Variants in ELF2 observed in about 807,000 individuals in gnomAD.
The protein encoded by ELF2 is E74 like ETS transcription factor 2, also known as ETS-related transcription factor Elf-2.
Under a neutral mutation model 54.8 loss-of-function variants are expected in ELF2, and 11 were observed. That is an observed-to-expected ratio of 0.20 (90% CI 0.13 to 0.33). The LOEUF is 0.33. Ranked by LOEUF, ELF2 falls within the 10% of genes least tolerant of loss-of-function variation. ELF2 has a pLI of 1.00. For synonymous variants in ELF2, 203 were observed against 245.1 expected, an observed-to-expected ratio of 0.83 and a Z score of 1.61; for missense variants, 513 against 703.0, an observed-to-expected ratio of 0.73 and a Z score of 3.06.
At chr4:139,135,657 T>C (rs968284888) in intron 3 of ELF2, among the ~76,000 whole-genome samples, 1 of 151,970 alleles carries the variant, frequency 6.6e-6, no homozygotes, top group Non-Finnish European at 1.5e-5. Context: ...AAGGAAAAAA[T>C]GAATGAAAAT....
At chr4:139,138,895 G>A (rs1180686948) in intron 2 of ELF2, among the ~76,000 whole-genome samples, 1 of 152,106 alleles carries the variant, frequency 6.6e-6, no homozygotes, top group Non-Finnish European at 1.5e-5. Flanking sequence ...ATGGTTTCAA[G>A]TAATTTCTTA....
At chr4:139,163,186 T>A (rs183683859) in intron 1 of ELF2, among the ~76,000 whole-genome samples, 68 of 152,270 alleles carry the variant, frequency 4.5e-4, no homozygotes, top group African/African-American at 1.6e-3. Flanking sequence ...ATTACTAAGT[T>A]AGAAATTCTA....
chr4:139,109,718 C>T (rs1278995624), intron 4 of ELF2, among the ~76,000 whole-genome samples: 1 of 152,192 alleles, frequency 6.6e-6, no homozygotes, highest in African/African-American at 2.4e-5. Context: ...GAGGCTAACG[C>T]ACAGACAAAA....
intron 4 of ELF2, among the ~76,000 whole-genome samples, chr4:139,104,993 ATG>A (rs2148795125): frequency 6.6e-6 from 1 of 152,316 alleles, no homozygotes; most frequent in East Asian, 1.9e-4. Flanking sequence ...GCTAGAAAGC[ATG>A]TGTTATTCAA....
At chr4:139,089,203 A>G (rs1266601132) in intron 4 of ELF2, among the ~76,000 whole-genome samples, 2 of 152,250 alleles carry the variant, frequency 1.3e-5, no homozygotes, top group African/African-American at 2.4e-5. Flanking sequence ...AAGATCCTTT[A>G]TCTACAGATT....
At chr4:139,165,328 C>T (rs911543636) in intron 1 of ELF2, among the ~76,000 whole-genome samples, 11 of 152,058 alleles carry the variant, frequency 7.2e-5, no homozygotes, top group African/African-American at 2.7e-4. Flanking sequence ...TGTTTTAAAC[C>T]TTTTGACATC....
chr4:139,065,281 T>C (rs1340471800), intron 7 of ELF2, among the ~76,000 whole-genome samples: 1 of 152,112 alleles, frequency 6.6e-6, no homozygotes, highest in Admixed American at 6.6e-5. Flanking sequence ...AGTATGAGAA[T>C]AGCCTAGGCA....
chr4:139,173,057 A>T (rs1742486888), intron 1 of ELF2, among the ~76,000 whole-genome samples: 1 of 152,178 alleles, frequency 6.6e-6, no homozygotes, highest in Non-Finnish European at 1.5e-5. Flanking sequence ...CCACTTATAC[A>T]AAATATCCAG....
chr4:139,145,042 T>A (rs1197453483), intron 1 of ELF2, among the ~76,000 whole-genome samples: 1 of 152,214 alleles, frequency 6.6e-6, no homozygotes, highest in Non-Finnish European at 1.5e-5. Context: ...GCTGGCACTC[T>A]TTTGCAAGCA....
chr4:139,134,358 T>G (rs1737875439), intron 3 of ELF2, among the ~76,000 whole-genome samples: 1 of 151,906 alleles, frequency 6.6e-6, no homozygotes, highest in Non-Finnish European at 1.5e-5. Flanking sequence ...TTTTTTGGTT[T>G]TGCTTTTTTG....
rs542487247 is a variant in ELF2, at chr4:139,113,238, G to A, written c.238+11926C>T. Among the ~76,000 whole-genome samples the A allele has an allele frequency of 1.4e-4, 22 of 152,132 alleles. No individual in the cohort carries two copies. In the South Asian group the frequency reaches 4.6e-3, roughly 32 times the overall value. On this transcript the variant is annotated intron_variant, in intron 4 of 9. Transcript: ENST00000686138. ...CTGAGTGTCGTGGCATTTGCCTGTA[G>A]TCCCAGCTACTAGGGAGGCTAAGGT... is the stretch of plus-strand genomic sequence containing the variant.
intron 1 of ELF2, among the ~76,000 whole-genome samples, chr4:139,168,459 C>G (rs1741934847): frequency 6.6e-6 from 1 of 152,180 alleles, no homozygotes; most frequent in Admixed American, 6.6e-5. Flanking sequence ...GCCCTAAACC[C>G]TGAGATGATA....
chr4:139,075,488 T>A (rs1047538259), intron 4 of ELF2, among the ~76,000 whole-genome samples: 1 of 152,214 alleles, frequency 6.6e-6, no homozygotes, highest in Non-Finnish European at 1.5e-5. Flanking sequence ...TGGAGTGCAG[T>A]GGCATGATCT....
chr4:139,109,238 G>A (rs1049837979), intron 4 of ELF2, among the ~76,000 whole-genome samples: 4 of 152,058 alleles, frequency 2.6e-5, no homozygotes, highest in Admixed American at 2.6e-4. Context: ...ACAACTTGGG[G>A]TCTGGCCAGT....
intron 2 of ELF2, 42 bp downstream of exon 2, chr4:139,139,371 T>A: frequency 9.6e-7 from 1 of 1,036,900 alleles, no homozygotes. Flanking sequence ...TAAGGTACTA[T>A]TCCCAATATA....
At position 139,058,993 on chromosome 4, in the gene ELF2, C is replaced by T; in HGVS notation, c.1772G>A (p.Cys591Tyr). ...VTMKTEGLVT[C>Y]EK Reference sequence around the variant, plus strand: ...GGTGGAGCTGCTATTTTATTTCTCACATGTCACTAGTCCTTCTGTTTTCAT... The same window carrying T: ...GGTGGAGCTGCTATTTTATTTCTCATATGTCACTAGTCCTTCTGTTTTCAT... Residue 591 changes from cysteine (C) to tyrosine (Y), a missense_variant, in exon 10 of 10, where the codon TGT becomes TAT. Transcript: ENST00000686138. 6.2e-7 allele frequency: 1 copy of T among 1,606,976 alleles called. No individual in the cohort carries two copies. Among genetic ancestry groups the T allele is most frequent in the Admixed American group, 1.7e-5 (1 of 59,184 alleles).
At chr4:139,082,641 CAG>C (rs1004731778) in intron 4 of ELF2, among the ~76,000 whole-genome samples, 4 of 152,192 alleles carry the variant, frequency 2.6e-5, no homozygotes, top group Non-Finnish European at 4.4e-5. Flanking sequence ...AACTGAGTCA[CAG>C]AGTTTTGCCA....
chr4:139,068,932 G>A (rs558508553), intron 6 of ELF2, among the ~76,000 whole-genome samples: 21 of 151,464 alleles, frequency 1.4e-4, no homozygotes, highest in Middle Eastern at 3.4e-3. Context: ...AGACTGGAGC[G>A]CAGTGACGCG....
chr4:139,125,226 T>C lies in ELF2; in HGVS notation c.176A>G (p.Glu59Gly), dbSNP rs780933840. 114 of 1,613,844 alleles carry C rather than the reference T, an allele frequency of 7.1e-5. 1 individual carries two copies. In the South Asian group the frequency reaches 1.2e-3, roughly 17 times the overall value. The change falls in exon 4 of 10, where the codon GAG becomes GGG. Residue 59 changes from glutamate to glycine, a missense_variant. Around this residue, in one of 3 missense-constraint regions of ELF2, gnomAD observed 203 missense variants for 245.9 expected, o/e 0.83. Transcript: ENST00000686138. The part of the protein sequence containing the change: ...YAAQVLVYDD[E>G]TYMMQDVAEE... Reference sequence around the variant, plus strand: ...TGCCACATCTTGCATCATATAAGTCTCATCATCATAAACCAGAACCTGGGC... The same window carrying C: ...TGCCACATCTTGCATCATATAAGTCCCATCATCATAAACCAGAACCTGGGC...
Sources: allele counts gnomAD v4.1 joint callset (sites outside exome capture counted in the v4.1 genomes callset), GRCh38; gene constraint gnomAD v4.1.1; regional missense constraint gnomAD v4.1.1; transcripts MANE v1.5; gene names NCBI Gene and HGNC (gene_info 2026-07-23, HGNC 2026-07-21).